Variants in DNAAF9 observed in about 807,000 individuals in gnomAD.
DNAAF9 encodes the protein dynein axonemal assembly factor 9.
A neutral mutation model predicts 167.0 loss-of-function variants in DNAAF9; 90 were observed. The ratio of observed to expected loss-of-function variants is 0.54; its 90% CI spans 0.45 to 0.64. DNAAF9 has a LOEUF of 0.64. DNAAF9 is among the 30% of genes least tolerant of loss of function. The pLI is 0.00. For synonymous variants in DNAAF9, 491 were observed against 508.8 expected, an observed-to-expected ratio of 0.96 and a Z score of 0.47; for missense variants, 1,315 against 1,442.2, an observed-to-expected ratio of 0.91 and a Z score of 1.43.
chr20:3,403,252 G>A (rs1157547286), intron 1 of DNAAF9, among the ~76,000 whole-genome samples: 1 of 152,070 alleles, frequency 6.6e-6, no homozygotes, highest in Non-Finnish European at 1.5e-5. Context: ...TCTCACCTAG[G>A]TTTACAACTA....
At chr20:3,395,376 G>C (rs573790543) in intron 1 of DNAAF9, among the ~76,000 whole-genome samples, 3 of 151,902 alleles carry the variant, frequency 2.0e-5, no homozygotes, top group African/African-American at 4.8e-5. Context: ...CACCACCCAG[G>C]TTCAAGCAAT....
Position 3,362,338 on chromosome 20 carries a change from C to T in DNAAF9, c.613-2745G>A, listed in dbSNP as rs149682662. 331 of 709,266 alleles carry T rather than the reference C, an allele frequency of 4.7e-4. 2 individuals carry two copies. In the East Asian group the frequency reaches 5.5e-3, roughly 12 times the overall value. The allele number at this position is 709,266 out of a possible 1,614,324, so 43.9% of individuals were successfully genotyped here. On this transcript the variant is annotated intron_variant, in intron 6 of 36. Transcript: ENST00000252032. ...GGTGGCTGCCATCTTGCACTGCTGT[C>T]GCTTGAAGCGGTTTATTAATAATTA...
In DNAAF9 at chr20:3,300,172, G is replaced by C. The variant is rs181191785; in HGVS notation, c.1783-1997C>G. ...CCCGCTTCAGCCTCTCAAAGTGCTGGAATTGTTAAGTGTGAGCCACTGCGC... is the reference window on the plus strand; with the variant it reads ...CCCGCTTCAGCCTCTCAAAGTGCTGCAATTGTTAAGTGTGAGCCACTGCGC... On this transcript the variant is annotated intron_variant, in intron 21 of 36. Transcript: ENST00000252032. Among the ~76,000 whole-genome samples, 7 of 152,250 alleles carry C rather than the reference G, an allele frequency of 4.6e-5. No homozygotes were observed. In the East Asian group the frequency reaches 1.2e-3, roughly 25 times the overall value.
At chr20:3,361,551 T>C (rs1392934577) in intron 6 of DNAAF9, among the ~76,000 whole-genome samples, 2 of 152,178 alleles carry the variant, frequency 1.3e-5, no homozygotes, top group African/African-American at 2.4e-5. Flanking sequence ...GCAAAATGAC[T>C]GTGTGATGTG....
chr20:3,292,779 A>C (rs1394828718), intron 25 of DNAAF9, among the ~76,000 whole-genome samples: 2 of 149,340 alleles, frequency 1.3e-5, no homozygotes, highest in Non-Finnish European at 3.0e-5. Flanking sequence ...AAAGAAAAAA[A>C]AAAAAAGCCA....
At chr20:3,273,897 G>C (rs1382320408) in intron 29 of DNAAF9, among the ~76,000 whole-genome samples, 2 of 152,116 alleles carry the variant, frequency 1.3e-5, no homozygotes, top group African/African-American at 4.8e-5. Flanking sequence ...AAAGTGTTGA[G>C]TATAATTTTT....
intron 14 of DNAAF9, among the ~76,000 whole-genome samples, chr20:3,324,322 T>C (rs1024607167): frequency 3.9e-5 from 6 of 152,190 alleles, no homozygotes; most frequent in East Asian, 1.9e-4. Context: ...ATCCTTTGTA[T>C]AAAAGTGCAC....
intron 21 of DNAAF9, among the ~76,000 whole-genome samples, chr20:3,302,905 C>T (rs1476295467): frequency 6.6e-6 from 1 of 152,122 alleles, no homozygotes; most frequent in Non-Finnish European, 1.5e-5. Flanking sequence ...TTACAGTATA[C>T]TTTAATAAGT....
At position 3,304,495 on chromosome 20, in the gene DNAAF9, T is replaced by C. The variant is rs760792905; in HGVS notation, c.1727A>G (p.His576Arg). 1 of 1,520,140 alleles carries C rather than the reference T, an allele frequency of 6.6e-7. No individual in the cohort carries two copies. The highest frequency in any genetic ancestry group is 9.1e-7 in the Non-Finnish European group (1 of 1,094,546). 94.2% of individuals were successfully genotyped at this position (1,520,140 alleles called of 1,614,324 possible). A position where few individuals can be genotyped will look rare whatever the true frequency, so the allele number is the denominator to read the frequency against. Residue 576 changes from histidine (H) to arginine (R), a missense_variant, in exon 21 of 37, where the codon CAT becomes CGT. Coordinates refer to ENST00000252032, the MANE Select transcript of DNAAF9 (RefSeq NM_001009984.3). The part of the protein sequence containing the change: ...SSGLLFSHCR[H>R]RSIIISKDHM... ...ATCCTTGGAAATGATGATACTTCTATGACGACAGTGAGAAAACAGAAGGCC... is the reference window on the plus strand; with the variant it reads ...ATCCTTGGAAATGATGATACTTCTACGACGACAGTGAGAAAACAGAAGGCC...
At chr20:3,405,536 C>G (rs983815487) in intron 1 of DNAAF9, among the ~76,000 whole-genome samples, 1 of 152,232 alleles carries the variant, frequency 6.6e-6, no homozygotes, top group Admixed American at 6.5e-5. Context: ...TTGGGGGCAG[C>G]TAGGCCTTGG....
chr20:3,335,996 A>T (rs1029905790), intron 10 of DNAAF9, among the ~76,000 whole-genome samples: 5 of 151,864 alleles, frequency 3.3e-5, no homozygotes, highest in Non-Finnish European at 5.9e-5. Context: ...GGTGGTGCGC[A>T]CTTGTAGTCC....
chr20:3,326,012 C>A (rs866272578), intron 13 of DNAAF9, among the ~76,000 whole-genome samples, 185 bp downstream of exon 13: 41 of 152,134 alleles, frequency 2.7e-4, no homozygotes, highest in African/African-American at 9.4e-4. Context: ...ATCCATAAGA[C>A]AACAGCAGCA....
intron 30 of DNAAF9, among the ~76,000 whole-genome samples, chr20:3,269,939 CAGAG>C (rs959453076): frequency 2.0e-5 from 3 of 147,300 alleles, no homozygotes; most frequent in African/African-American, 7.5e-5. Flanking sequence ...GCCTGGACGA[CAGAG>C]GGAGACTCCG....
intron 1 of DNAAF9, 74 bp from the exon 2 acceptor site, chr20:3,382,580 C>A: frequency 8.8e-7 from 1 of 1,130,930 alleles, no homozygotes; most frequent in African/African-American, 1.5e-5. Context: ...CTGTGTCCCA[C>A]AATGGAGTCA....
chr20:3,285,979 C>CAA (rs913877421), intron 27 of DNAAF9, among the ~76,000 whole-genome samples: 5 of 102,064 alleles, frequency 4.9e-5, no homozygotes, highest in Non-Finnish European at 1.0e-4. Context: ...GACTCCGTTT[C>CAA]AAAAAAAAAA....
chr20:3,383,889 C>G (rs2083697446), intron 1 of DNAAF9, among the ~76,000 whole-genome samples: 1 of 151,336 alleles, frequency 6.6e-6, no homozygotes, highest in Admixed American at 6.6e-5. Context: ...ACCTCCGCCT[C>G]CTGGGTCCAA....
intron 21 of DNAAF9, among the ~76,000 whole-genome samples, chr20:3,302,039 T>C (rs2069198888): frequency 6.6e-6 from 1 of 151,934 alleles, no homozygotes; most frequent in Non-Finnish European, 1.5e-5. Context: ...ACCTCCTGGG[T>C]TAATGCAATT....
chr20:3,382,295 T>TC, intron 2 of DNAAF9, 132 bp downstream of exon 2: 1 of 697,826 alleles, frequency 1.4e-6, no homozygotes, highest in Non-Finnish European at 2.5e-6. Flanking sequence ...GCAACAAATT[T>TC]CGGGGGAACA....
At chr20:3,364,244 C>G (rs911888277) in intron 6 of DNAAF9, among the ~76,000 whole-genome samples, 1 of 152,136 alleles carries the variant, frequency 6.6e-6, no homozygotes, top group Admixed American at 6.5e-5. Context: ...GACTGATTAC[C>G]TCATTATCAA....
Sources: allele counts gnomAD v4.1 joint callset (sites outside exome capture counted in the v4.1 genomes callset), GRCh38; gene constraint gnomAD v4.1.1; transcripts MANE v1.5; gene names NCBI Gene and HGNC (gene_info 2026-07-23, HGNC 2026-07-21).